GHR: variants seen among roughly 807,000 people sequenced by gnomAD.
GHR encodes growth hormone receptor.
A neutral mutation model predicts 67.1 loss-of-function variants in GHR; 35 were observed. The ratio of observed to expected loss-of-function variants is 0.52; its 90% CI spans 0.40 to 0.69. GHR has a LOEUF of 0.69. Ranked by LOEUF, GHR falls within the 30% of genes least tolerant of loss-of-function variation. The pLI, the probability that GHR is intolerant of heterozygous loss-of-function variation, is 0.00. For synonymous variants in GHR, 272 were observed against 269.1 expected (o/e 1.01, Z -0.10); for missense variants, 792 against 764.6 (o/e 1.04, Z -0.42).
chr5:42,567,055 A>G (rs912116797), intron 2 of GHR, among the ~76,000 whole-genome samples: 12 of 152,206 alleles, frequency 7.9e-5, no homozygotes, highest in African/African-American at 2.9e-4. Context: ...ACATTATGCA[A>G]GTCAAACATG....
chr5:42,424,664 C>A lies in GHR; in HGVS notation c.-12+709C>A. ...GACACACTAGTGGTTGTAAAATCAACCAGGCTTAAAGTTTTGACAGAACTG... is the reference window on the plus strand; with the variant it reads ...GACACACTAGTGGTTGTAAAATCAAACAGGCTTAAAGTTTTGACAGAACTG... On this transcript the variant is annotated intron_variant, in intron 1 of 9. Transcript: ENST00000230882. The surrounding 1 kb of genome is among the most constrained non-coding windows in gnomAD (Gnocchi z 4.1). 2.1e-6 allele frequency: 3 copies of A among 1,427,602 alleles called. No homozygotes were observed. The highest frequency in any genetic ancestry group is 2.9e-6 in the Non-Finnish European group (3 of 1,048,242). 88.4% of individuals were successfully genotyped at this position (1,427,602 alleles called of 1,614,324 possible).
intron 3 of GHR, among the ~76,000 whole-genome samples, chr5:42,637,189 A>G (rs1754239382): frequency 1.3e-5 from 2 of 152,200 alleles, no homozygotes; most frequent in South Asian, 4.1e-4. Context: ...CTACAGTGGC[A>G]GAGTGGAGTA....
chr5:42,687,356 T>C (rs1227781327), intron 3 of GHR, among the ~76,000 whole-genome samples: 1 of 152,198 alleles, frequency 6.6e-6, no homozygotes, highest in Non-Finnish European at 1.5e-5. Context: ...TGAGCCTGCA[T>C]AGCCAAGATA....
At chr5:42,487,249 T>C (rs1745925176) in intron 1 of GHR, among the ~76,000 whole-genome samples, 1 of 152,252 alleles carries the variant, frequency 6.6e-6, no homozygotes, top group African/African-American at 2.4e-5. Context: ...ACTTCATTAA[T>C]CCTGATTACT....
intron 1 of GHR, chr5:42,465,449 A>C: frequency 6.3e-7 from 1 of 1,578,668 alleles, no homozygotes; most frequent in Non-Finnish European, 8.7e-7. Flanking sequence ...ATCCAAAGTC[A>C]TCTCTTTTGG....
At chr5:42,567,908 G>T (rs1750041778) in intron 2 of GHR, among the ~76,000 whole-genome samples, 1 of 151,898 alleles carries the variant, frequency 6.6e-6, no homozygotes, top group African/African-American at 2.4e-5. Flanking sequence ...TAATATTTAT[G>T]GACCATGTGT....
chr5:42,425,126 C>T, intron 1 of GHR: 1 of 534,384 alleles, frequency 1.9e-6, no homozygotes, highest in Non-Finnish European at 2.4e-6. Context: ...AACGCATTGC[C>T]CTGAGTGGCT....
At chr5:42,435,811 C>T (rs1743298727) in intron 1 of GHR, among the ~76,000 whole-genome samples, 1 of 152,122 alleles carries the variant, frequency 6.6e-6, no homozygotes, top group African/African-American at 2.4e-5. Flanking sequence ...AATTTGGGCC[C>T]TCTCATGTGT....
chr5:42,500,005 C>T (rs1746474042), intron 1 of GHR, among the ~76,000 whole-genome samples: 1 of 152,178 alleles, frequency 6.6e-6, no homozygotes, highest in Non-Finnish European at 1.5e-5. Flanking sequence ...CCCTCCACTC[C>T]TGTAAAAACC....
intron 1 of GHR, among the ~76,000 whole-genome samples, chr5:42,546,529 G>A (rs1748739880): frequency 6.6e-6 from 1 of 152,184 alleles, no homozygotes; most frequent in Non-Finnish European, 1.5e-5. Context: ...TAGCTGCAAG[G>A]TTGGCTGAGA....
intron 1 of GHR, among the ~76,000 whole-genome samples, chr5:42,452,424 T>G (rs892190954): frequency 1.3e-5 from 2 of 152,204 alleles, no homozygotes; most frequent in Non-Finnish European, 2.9e-5. Context: ...TTGAGCTTCC[T>G]GTATTTGGAT....
intron 1 of GHR, among the ~76,000 whole-genome samples, chr5:42,442,781 C>A: frequency 6.6e-6 from 1 of 152,080 alleles, no homozygotes. Context: ...AATGTGAAAT[C>A]AAGACAAAAA....
chr5:42,441,450 T>A (rs1017142349), intron 1 of GHR, among the ~76,000 whole-genome samples: 6 of 151,988 alleles, frequency 3.9e-5, no homozygotes, highest in Non-Finnish European at 8.8e-5. Context: ...ACTCAAGATA[T>A]GTGGTCAAGG....
At chr5:42,428,663 T>C (rs1742958919) in intron 1 of GHR, among the ~76,000 whole-genome samples, 1 of 152,140 alleles carries the variant, frequency 6.6e-6, no homozygotes, top group African/African-American at 2.4e-5. Context: ...CTCTCTCAAG[T>C]TTAAAGTTCC....
intron 2 of GHR, among the ~76,000 whole-genome samples, chr5:42,620,982 T>C (rs976102262): frequency 2.0e-5 from 3 of 152,158 alleles, no homozygotes; most frequent in African/African-American, 7.2e-5. Context: ...CTGGCCTACC[T>C]AGGATTAATA....
At chr5:42,715,841 C>A (rs556658070) in intron 8 of GHR, among the ~76,000 whole-genome samples, 1 of 152,290 alleles carries the variant, frequency 6.6e-6, no homozygotes, top group African/African-American at 2.4e-5. Flanking sequence ...AGCAGACAAC[C>A]AGCTATCCTA....
At chr5:42,458,084 T>G (rs1157475833) in intron 1 of GHR, among the ~76,000 whole-genome samples, 1 of 152,256 alleles carries the variant, frequency 6.6e-6, no homozygotes, top group East Asian at 1.9e-4. Flanking sequence ...GTTTATTCTT[T>G]TGCTTAGCAA....
chr5:42,512,468 A>T (rs988777334), intron 1 of GHR, among the ~76,000 whole-genome samples: 1 of 152,084 alleles, frequency 6.6e-6, no homozygotes, highest in Non-Finnish European at 1.5e-5. Context: ...TGGTGATACA[A>T]CCAGATTCGT....
rs537462492 is a variant in GHR, at chr5:42,578,485, A to G, written c.70+12541A>G. On this transcript the variant is annotated intron_variant, in intron 2 of 9. Coordinates refer to ENST00000230882, the MANE Select transcript of GHR (RefSeq NM_000163.5). Reference sequence around the variant, plus strand: ...TTTGCCAGGTAAACAAAGAGTTAGAAGAAAAAGAGAGATCATGTCAGATGT... The same window carrying G: ...TTTGCCAGGTAAACAAAGAGTTAGAGGAAAAAGAGAGATCATGTCAGATGT... Among the ~76,000 whole-genome samples, 118 of 152,334 alleles carry G rather than the reference A, an allele frequency of 7.7e-4. 1 individual carries two copies. Among genetic ancestry groups the G allele is most frequent in the African/African-American group, 2.7e-3 (114 of 41,590 alleles).
Sources: allele counts gnomAD v4.1 joint callset (sites outside exome capture counted in the v4.1 genomes callset), GRCh38; gene constraint gnomAD v4.1.1; non-coding constraint Gnocchi (gnomAD v3.1); transcripts MANE v1.5; gene names NCBI Gene and HGNC (gene_info 2026-07-23, HGNC 2026-07-21).